Variants in DHRSX observed in about 807,000 individuals in gnomAD.
The protein encoded by DHRSX is polyprenol dehydrogenase.
DHRSX carries 31 observed loss-of-function variants against 34.0 expected under a neutral mutation model. That is an observed-to-expected ratio of 0.91 (90% CI 0.69 to 1.23). DHRSX has a LOEUF of 1.23. Among genes scored for constraint, DHRSX ranks in the 50% most tolerant of loss-of-function variants. The pLI, the probability that DHRSX is intolerant of heterozygous loss-of-function variation, is 0.00. For synonymous variants in DHRSX, 201 were observed against 183.8 expected, an observed-to-expected ratio of 1.09 and a Z score of -0.76; for missense variants, 414 against 428.1, an observed-to-expected ratio of 0.97 and a Z score of 0.29.
At chrX:2,298,638 G>T (rs375729916) in intron 3 of DHRSX, among the ~76,000 whole-genome samples, 1 of 103,356 alleles carries the variant, frequency 9.7e-6, no homozygotes. Context: ...ACACACACAC[G>T]AGGTCTTATT....
At chrX:2,412,310 C>T (rs1375101659) in intron 2 of DHRSX, among the ~76,000 whole-genome samples, 5 of 152,180 alleles carry the variant, frequency 3.3e-5, no homozygotes, top group African/African-American at 9.7e-5. Context: ...TCTTGAACGC[C>T]TGACCTCGGG....
chrX:2,428,833 T>C (rs2043881805), intron 1 of DHRSX, among the ~76,000 whole-genome samples: 1 of 152,128 alleles, frequency 6.6e-6, no homozygotes, highest in African/African-American at 2.4e-5. Context: ...GTATAAAATG[T>C]TGTGTCTCCT....
intron 3 of DHRSX, among the ~76,000 whole-genome samples, chrX:2,387,992 G>A (rs2043292404): frequency 6.6e-6 from 1 of 151,582 alleles, no homozygotes; most frequent in African/African-American, 2.4e-5. Flanking sequence ...GGGTACAGGA[G>A]CCTGGCTCAC....
chrX:2,257,834 C>T (rs1432575424), intron 5 of DHRSX, among the ~76,000 whole-genome samples: 1 of 152,044 alleles, frequency 6.6e-6, no homozygotes, highest in Non-Finnish European at 1.5e-5. Flanking sequence ...ACCGTGTTGT[C>T]CAGGCTGGTC....
chrX:2,255,576 A>C (rs1034352808), intron 5 of DHRSX, among the ~76,000 whole-genome samples: 1 of 152,154 alleles, frequency 6.6e-6, no homozygotes, highest in African/African-American at 2.4e-5. Context: ...TCCATGACTG[A>C]GGGACGTCAG....
In DHRSX at chrX:2,234,447, C is replaced by T. The variant is rs756241554; in HGVS notation, c.804+8576G>A. Among the ~76,000 whole-genome samples the T allele has an allele frequency of 3.9e-5, 6 of 151,948 alleles. No individual in the cohort carries two copies. In the South Asian group the frequency reaches 1.2e-3, roughly 32 times the overall value. On this transcript the variant is annotated intron_variant, in intron 6 of 6. Coordinates refer to ENST00000334651, the MANE Select transcript of DHRSX (RefSeq NM_145177.3). Reference sequence around the variant, plus strand: ...GCACACAGCTAGACCCACACACACACATTCAGTACCTCCTTCCCTGCCTTC... The same window carrying T: ...GCACACAGCTAGACCCACACACACATATTCAGTACCTCCTTCCCTGCCTTC...
chrX:2,378,744 C>T (rs1321486785), intron 3 of DHRSX, among the ~76,000 whole-genome samples: 4 of 152,006 alleles, frequency 2.6e-5, no homozygotes, highest in South Asian at 4.2e-4. Context: ...GATCTCGGCT[C>T]ACTGCAACCT....
intron 2 of DHRSX, among the ~76,000 whole-genome samples, chrX:2,421,303 C>T (rs2043776342): frequency 6.6e-6 from 1 of 152,178 alleles, no homozygotes; most frequent in East Asian, 1.9e-4. Flanking sequence ...TCGCTTGAGC[C>T]CAGGAGGCAG....
chrX:2,285,039 T>C (rs892872676), intron 4 of DHRSX, among the ~76,000 whole-genome samples: 4 of 152,130 alleles, frequency 2.6e-5, no homozygotes, highest in Non-Finnish European at 5.9e-5. Context: ...GGGAAGGTTC[T>C]GGGGAAATAG....
rs200116456 is a variant in DHRSX, at chrX:2,330,223, G to GA, written c.287-38621dup. On this transcript the variant is annotated intron_variant, in intron 3 of 6. Coordinates refer to ENST00000334651, the MANE Select transcript of DHRSX (RefSeq NM_145177.3). ...GGGGAAGAGGAGGTGAAGGAGAAGG[G>GA]AAAAAAAAAGTAGAAGGGGCCAGGT... 4.9e-3 allele frequency among the ~76,000 whole-genome samples: 723 copies of GA among 147,278 alleles called. 3 individuals carry two copies. Among genetic ancestry groups the GA allele is most frequent in the African/African-American group, 0.016 (663 of 40,250 alleles).
At chrX:2,365,812 G>A (rs1360396618) in intron 3 of DHRSX, among the ~76,000 whole-genome samples, 1 of 152,096 alleles carries the variant, frequency 6.6e-6, no homozygotes, top group Non-Finnish European at 1.5e-5. Flanking sequence ...TGGGGGGCAA[G>A]GGGAGGGAGA....
intron 3 of DHRSX, among the ~76,000 whole-genome samples, chrX:2,298,622 A>ACACG (rs1335290141): frequency 1.4e-5 from 2 of 147,996 alleles, no homozygotes; most frequent in Admixed American, 6.7e-5. Flanking sequence ...ACACACACAC[A>ACACG]CACACACACA....
chrX:2,307,801 A>T (rs1184200602), intron 3 of DHRSX, among the ~76,000 whole-genome samples: 1 of 149,182 alleles, frequency 6.7e-6, no homozygotes, highest in Non-Finnish European at 1.5e-5. Flanking sequence ...AAAAAAATAA[A>T]ATAAAAAACA....
intron 1 of DHRSX, among the ~76,000 whole-genome samples, chrX:2,437,755 G>C (rs2044012888): frequency 6.7e-6 from 1 of 149,816 alleles, no homozygotes; most frequent in Admixed American, 6.7e-5. Flanking sequence ...AAATTTGGGA[G>C]AGTAAAGTGA....
Position 2,371,541 on chromosome X carries a change from G to GTCCTTCTGTTACCATAGTCCC in DHRSX, c.286+37183_286+37203dup, listed in dbSNP as rs1201590715. On this transcript the variant is annotated intron_variant, in intron 3 of 6. Coordinates refer to ENST00000334651, the MANE Select transcript of DHRSX (RefSeq NM_145177.3). ...AGCCCCTCCTCCGTTACCATAGTCC[G>GTCCTTCTGTTACCATAGTCCC]TCCTTCTGTTACCATAGTCCCTCCT... Among the ~76,000 whole-genome samples, 437 of 51,918 alleles carry GTCCTTCTGTTACCATAGTCCC rather than the reference G, an allele frequency of 8.4e-3. 5 individuals are homozygous for GTCCTTCTGTTACCATAGTCCC. The highest frequency in any genetic ancestry group is 0.018 in the Non-Finnish European group (301 of 16,494). 34.1% of individuals were successfully genotyped at this position (51,918 alleles called of 152,430 possible). A position where few individuals can be genotyped will look rare whatever the true frequency, so the allele number is the denominator to read the frequency against.
At chrX:2,370,128 G>T (rs2043039525) in intron 3 of DHRSX, among the ~76,000 whole-genome samples, 1 of 152,022 alleles carries the variant, frequency 6.6e-6, no homozygotes, top group South Asian at 2.1e-4. Context: ...GGCACACCAT[G>T]AGTTTTGTCT....
At chrX:2,326,222 A>C (rs1482696463) in intron 3 of DHRSX, among the ~76,000 whole-genome samples, 2 of 152,094 alleles carry the variant, frequency 1.3e-5, no homozygotes, top group Admixed American at 6.6e-5. Context: ...GGACAAGCCT[A>C]AGTAAGTTAA....
rs2043060912 is a variant in DHRSX at position 2,371,352 on chromosome X, T to TCCC, written c.286+37390_286+37392dup. Among the ~76,000 whole-genome samples the TCCC allele has an allele frequency of 3.2e-5, 4 of 125,008 alleles. No individual in the cohort carries two copies. In the South Asian group the frequency reaches 1.1e-3, roughly 33 times the overall value. 82.0% of individuals were successfully genotyped at this position (125,008 alleles called of 152,430 possible). A position where few individuals can be genotyped will look rare whatever the true frequency, so the allele number is the denominator to read the frequency against. On this transcript the variant is annotated intron_variant, in intron 3 of 6. Transcript: ENST00000334651. ...ATAGTCCCTCCTTCCGTTACCATAGTCCCTCCTCCCATTACTATAGACCCT... is the reference window on the plus strand; with the variant it reads ...ATAGTCCCTCCTTCCGTTACCATAGTCCCCCCTCCTCCCATTACTATAGACCCT...
At chrX:2,354,408 A>G (rs1408739388) in intron 3 of DHRSX, among the ~76,000 whole-genome samples, 2 of 152,202 alleles carry the variant, frequency 1.3e-5, no homozygotes, top group Non-Finnish European at 2.9e-5. Flanking sequence ...GCTCACAGAC[A>G]GGGGTCATGG....
Sources: gnomAD v4.1 joint callset for allele counts (sites outside exome capture counted in the v4.1 genomes callset) on GRCh38, gnomAD v4.1.1 for gene constraint, MANE v1.5 for transcripts, NCBI Gene and HGNC (gene_info 2026-07-23, HGNC 2026-07-21) for gene names.